FSTL4: variants seen among roughly 807,000 people sequenced by gnomAD.
FSTL4 encodes the protein follistatin-related protein 4.
In FSTL4, 28 loss-of-function variants were observed where a neutral mutation model predicts 78.2. That is an observed-to-expected ratio of 0.36 (90% confidence interval 0.27 to 0.49). The LOEUF (loss-of-function observed/expected upper bound fraction) is 0.49. Ranked by LOEUF, FSTL4 falls within the 20% of genes least tolerant of loss-of-function variation. The probability of loss-of-function intolerance (pLI) is 0.98; values close to 1 mark genes in which losing one functional copy is unlikely to be tolerated. For missense variants in FSTL4, 922 were observed against 1,084.9 expected, an observed-to-expected ratio of 0.85 and a Z score of 2.11; for synonymous variants, 422 against 440.5, an observed-to-expected ratio of 0.96 and a Z score of 0.53.
chr5:133,833,657 A>G, the FSTL4 span, among the ~76,000 whole-genome samples: 1 of 152,232 alleles, frequency 6.6e-6, no homozygotes, highest in Admixed American at 6.5e-5. Flanking sequence ...GTAGGATTCC[A>G]GACAGAATGA....
chr5:133,539,816 T>G (rs1759430777), intron 3 of FSTL4, among the ~76,000 whole-genome samples: 2 of 152,166 alleles, frequency 1.3e-5, no homozygotes, highest in Admixed American at 1.3e-4. Flanking sequence ...CTTGTATAAT[T>G]TTTGAAAAAA....
intron 6 of FSTL4, among the ~76,000 whole-genome samples, chr5:133,281,739 C>A (rs192900174): frequency 1.2e-3 from 187 of 152,254 alleles, no homozygotes; most frequent in African/African-American, 4.2e-3. Flanking sequence ...TGGACTAGGG[C>A]AGTCCCAGCC....
At chr5:133,829,519 C>T in the FSTL4 span, among the ~76,000 whole-genome samples, 2 of 152,190 alleles carry the variant, frequency 1.3e-5, no homozygotes, top group African/African-American at 4.8e-5. Context: ...CTATATTGAG[C>T]ACTTACTGTG....
chr5:133,772,608 C>A, the FSTL4 span, among the ~76,000 whole-genome samples: 3,512 of 152,182 alleles, frequency 0.023, 104 homozygotes, highest in African/African-American at 0.071. Context: ...CTAGAGAGAG[C>A]CTTTTTGCTG....
chr5:133,339,650 T>C (rs150780353), intron 4 of FSTL4, among the ~76,000 whole-genome samples: 298 of 152,328 alleles, frequency 2.0e-3, no homozygotes, highest in African/African-American at 6.8e-3. Flanking sequence ...GAGACATGCA[T>C]GGCCTCTAAG....
chr5:133,670,036 C>T, the FSTL4 span, among the ~76,000 whole-genome samples: 38 of 152,312 alleles, frequency 2.5e-4, no homozygotes, highest in South Asian at 8.3e-4. Flanking sequence ...GTTTGCTACA[C>T]GCTCCGCTCC....
In FSTL4 at chr5:133,361,276, C is replaced by T. The variant is rs1755064317; in HGVS notation, c.409+39462G>A. 6.6e-6 allele frequency among the ~76,000 whole-genome samples: 1 copy of T among 152,220 alleles called. No individual in the cohort carries two copies. On this transcript the variant is annotated intron_variant, in intron 4 of 15. Transcript: ENST00000265342. The surrounding 1 kb of genome is among the most constrained non-coding windows in gnomAD (Gnocchi z 4.3). The stretch of plus-strand genomic sequence containing the variant: ...ACTTGGTATTGTCTCTGGATGAAAA[C>T]CATCCTGGGAGTGGGAGACCCTTAC...
At chr5:133,245,531 C>A (rs2126817965) in intron 7 of FSTL4, among the ~76,000 whole-genome samples, 1 of 152,348 alleles carries the variant, frequency 6.6e-6, no homozygotes, top group African/African-American at 2.4e-5. Flanking sequence ...CTCGCTTATT[C>A]CTGTCTCCTG....
chr5:133,365,736 G>C (rs1755169736), intron 4 of FSTL4, among the ~76,000 whole-genome samples: 1 of 152,262 alleles, frequency 6.6e-6, no homozygotes, highest in African/African-American at 2.4e-5. Flanking sequence ...TCTGTTATTA[G>C]ATGGGCTGGC....
At chr5:133,740,241 G>A in the FSTL4 span, among the ~76,000 whole-genome samples, 2 of 152,220 alleles carry the variant, frequency 1.3e-5, no homozygotes, top group South Asian at 2.1e-4. Context: ...GAAGACAGTT[G>A]TTTCAAGTTC....
At chr5:133,545,728 G>T (rs1245920337) in intron 3 of FSTL4, among the ~76,000 whole-genome samples, 1 of 152,176 alleles carries the variant, frequency 6.6e-6, no homozygotes, top group South Asian at 2.1e-4. Flanking sequence ...TTCCAAAATT[G>T]TTCCAAAAAA....
chr5:133,327,428 CCCTACCTGACAGGGCTCACTTGGCCA>C (rs966073847), intron 4 of FSTL4, among the ~76,000 whole-genome samples: 12 of 152,168 alleles, frequency 7.9e-5, no homozygotes, highest in Non-Finnish European at 1.8e-4. Context: ...CTTACCTTCC[CCCTACCTGACAGGGCTCACTTGGCCA>C]CCTTGCTTGA....
At chr5:133,215,360 A>T (rs1455802520) in intron 13 of FSTL4, among the ~76,000 whole-genome samples, 1 of 152,156 alleles carries the variant, frequency 6.6e-6, no homozygotes. Context: ...AATACAGTTC[A>T]TATGGTGACG....
chr5:133,709,815 G>A, the FSTL4 span, among the ~76,000 whole-genome samples: 483 of 152,366 alleles, frequency 3.2e-3, 5 homozygotes, highest in African/African-American at 0.011. Context: ...GGAGCTATCT[G>A]TGAGGATAGA....
rs149184909 is a variant in FSTL4 at position 133,199,266 on chromosome 5, C to G, written c.2358G>C (p.Gln786His). The change falls in exon 16 of 16, where the codon CAG (glutamine) becomes CAC (histidine). Residue 786 changes from glutamine to histidine, a missense_variant. Coordinates refer to ENST00000265342, the MANE Select transcript of FSTL4 (RefSeq NM_015082.2). This position sits in a 1 kb window ranked among gnomAD's most constrained non-coding sequence, Gnocchi z 4.4. ...NLKEPPAGPA[Q>H]PWGGTHRIMR... ...TGATTCTGTGGGTACCCCCCCAGGG[C>G]TGAGCTGGCCCTGCGGGTGGCTCCT... The G allele has an allele frequency of 2.5e-6, 4 of 1,613,862 alleles. No homozygotes were observed. Among genetic ancestry groups the G allele is most frequent in the African/African-American group, 1.3e-5 (1 of 74,946 alleles).
At chr5:133,437,488 T>TTTC (rs1561716657) in intron 3 of FSTL4, among the ~76,000 whole-genome samples, 1 of 139,828 alleles carries the variant, frequency 7.2e-6, no homozygotes, top group East Asian at 2.0e-4. Context: ...AATAGGTGTT[T>TTTC]TTTTTTTTTT....
chr5:133,691,843 C>A, the FSTL4 span, among the ~76,000 whole-genome samples: 1 of 152,176 alleles, frequency 6.6e-6, no homozygotes, highest in African/African-American at 2.4e-5. Flanking sequence ...CTGAGAACAT[C>A]TCAGTGACGG....
Position 133,502,905 on chromosome 5 carries a change from G to A in FSTL4, c.160+64281C>T, listed in dbSNP as rs550249487. 9.5e-4 allele frequency among the ~76,000 whole-genome samples: 144 copies of A among 152,218 alleles called. 1 individual carries two copies. Among genetic ancestry groups the A allele is most frequent in the African/African-American group, 3.3e-3 (135 of 41,534 alleles). On this transcript the variant is annotated intron_variant, in intron 3 of 15. Coordinates refer to ENST00000265342, the MANE Select transcript of FSTL4 (RefSeq NM_015082.2). ...CTCTCACACAGCACTGAATTCTTTC[G>A]ATTGATTTTAACTTTGTAAGTCCCT...
chr5:133,781,873 G>T, the FSTL4 span, among the ~76,000 whole-genome samples: 4 of 152,132 alleles, frequency 2.6e-5, no homozygotes, highest in African/African-American at 4.8e-5. Context: ...GGCTTTAATG[G>T]TAATTATAAT....
Sources: allele counts gnomAD v4.1 joint callset (sites outside exome capture counted in the v4.1 genomes callset), GRCh38; gene constraint gnomAD v4.1.1; non-coding constraint Gnocchi (gnomAD v3.1); transcripts MANE v1.5; gene names NCBI Gene and HGNC (gene_info 2026-07-23, HGNC 2026-07-21).